MLIP: variants seen among roughly 807,000 people sequenced by gnomAD.
MLIP encodes the protein muscular LMNA interacting protein, also known as muscular LMNA-interacting protein.
Under a neutral mutation model 84.8 loss-of-function variants are expected in MLIP, and 79 were observed. The observed-to-expected ratio is 0.93, with a 90% CI of 0.78 to 1.12. The LOEUF is 1.12. MLIP is among the 50% of genes most tolerant of loss of function. The pLI, the probability that MLIP is intolerant of heterozygous loss-of-function variation, is 0.00. For synonymous variants in MLIP, 504 were observed against 463.0 expected (o/e 1.09, Z -1.14); for missense variants, 1,257 against 1,160.6 (o/e 1.08, Z -1.21).
intron 1 of MLIP, chr6:54,083,627 T>C (rs1195988502): frequency 5.9e-6 from 9 of 1,535,998 alleles, no homozygotes; most frequent in Non-Finnish European, 7.8e-6. Context: ...GTGAGTTCTA[T>C]GACATTATTA....
At chr6:54,157,521 C>T (rs998806233) in intron 5 of MLIP, among the ~76,000 whole-genome samples, 2 of 152,114 alleles carry the variant, frequency 1.3e-5, no homozygotes, top group Admixed American at 6.6e-5. Context: ...ATACCCACAA[C>T]CCCTGGTTGT....
At chr6:54,161,834 G>C (rs1353224311) in intron 8 of MLIP, among the ~76,000 whole-genome samples, 1 of 151,738 alleles carries the variant, frequency 6.6e-6, no homozygotes, top group Admixed American at 6.6e-5. Flanking sequence ...CTATTTTGTT[G>C]TATATGCTTT....
chr6:54,176,701 C>T (rs571819597), intron 9 of MLIP, among the ~76,000 whole-genome samples: 11 of 151,452 alleles, frequency 7.3e-5, no homozygotes, highest in East Asian at 1.9e-4. Context: ...GAAAAAAAAA[C>T]GTAAAAGTTC....
intron 11 of MLIP, chr6:54,218,079 G>A (rs1350199564): frequency 9.1e-6 from 7 of 767,098 alleles, no homozygotes; most frequent in African/African-American, 1.9e-5. Context: ...AAGTATTATT[G>A]GAACATGGCC....
intron 11 of MLIP, among the ~76,000 whole-genome samples, chr6:54,222,772 T>C (rs1562076269): frequency 6.6e-6 from 1 of 152,038 alleles, no homozygotes. Flanking sequence ...GTAGCCATAT[T>C]TTAAATTTTG....
chr6:54,115,866 T>G (rs1176569500), intron 1 of MLIP, among the ~76,000 whole-genome samples: 2 of 152,164 alleles, frequency 1.3e-5, no homozygotes, highest in South Asian at 2.1e-4. Flanking sequence ...GAGAAAACAT[T>G]TATCATTGAA....
intron 1 of MLIP, among the ~76,000 whole-genome samples, chr6:54,074,229 T>A (rs1766656698): frequency 6.6e-6 from 1 of 152,194 alleles, no homozygotes; most frequent in Admixed American, 6.5e-5. Flanking sequence ...TGTAATTGAT[T>A]TTATAGCACT....
At position 54,137,004 on chromosome 6, in the gene MLIP, G is replaced by T. The variant is rs1771859216; in HGVS notation, c.935G>T (p.Ser312Ile). 10 of 1,536,026 alleles carry T rather than the reference G, an allele frequency of 6.5e-6. No homozygotes were observed. The highest frequency in any genetic ancestry group is 8.7e-6 in the Non-Finnish European group (10 of 1,146,884). The change falls in exon 4 of 14, where the codon AGT becomes ATT. Residue 312 changes from serine (S) to isoleucine (I), a missense_variant. Coordinates refer to ENST00000502396, the MANE Select transcript of MLIP (RefSeq NM_001281747.2). ...CAACTATCAGGTTCTAATTTACCCAGTTCAACTGCAGCAGATCCAAAGCCT... is the reference window on the plus strand; with the variant it reads ...CAACTATCAGGTTCTAATTTACCCATTTCAACTGCAGCAGATCCAAAGCCT... The part of the protein sequence containing the change: ...STQLSGSNLP[S>I]STAADPKPGL...
At chr6:54,265,726 G>A (rs1049098422) in intron 13 of MLIP, among the ~76,000 whole-genome samples, 2 of 152,082 alleles carry the variant, frequency 1.3e-5, no homozygotes, top group African/African-American at 4.8e-5. Context: ...GAACTGCCAA[G>A]AGATTGGAGT....
intron 11 of MLIP, among the ~76,000 whole-genome samples, chr6:54,214,629 T>A (rs1779720715): frequency 2.0e-5 from 3 of 152,220 alleles, no homozygotes; most frequent in Admixed American, 6.5e-5. Flanking sequence ...ACCCAGTTTT[T>A]TCTCTGTCAA....
intron 11 of MLIP, among the ~76,000 whole-genome samples, chr6:54,224,166 C>T (rs890458103): frequency 7.3e-5 from 11 of 151,644 alleles, no homozygotes; most frequent in African/African-American, 1.9e-4. Flanking sequence ...CATAATAGCA[C>T]GTATTCTTTG....
intron 1 of MLIP, among the ~76,000 whole-genome samples, chr6:54,045,169 C>T (rs1437604899): frequency 1.3e-5 from 2 of 151,706 alleles, no homozygotes; most frequent in African/African-American, 2.4e-5. Flanking sequence ...GCCAACATGA[C>T]GAAACCTATC....
chr6:54,039,665 GC>G (rs1764636250), intron 1 of MLIP, among the ~76,000 whole-genome samples: 1 of 151,858 alleles, frequency 6.6e-6, no homozygotes, highest in Non-Finnish European at 1.5e-5. Context: ...AAAACTAAGA[GC>G]AGTGAAGTTT....
chr6:54,160,088 A>G (rs928975599), intron 5 of MLIP, among the ~76,000 whole-genome samples: 1 of 152,074 alleles, frequency 6.6e-6, no homozygotes, highest in Non-Finnish European at 1.5e-5. Flanking sequence ...AGAGTTCCCT[A>G]TTTAATAAAT....
intron 1 of MLIP, among the ~76,000 whole-genome samples, chr6:54,118,982 T>C (rs940435326): frequency 3.9e-5 from 6 of 152,108 alleles, no homozygotes; most frequent in Non-Finnish European, 8.8e-5. Context: ...AAAATGCCAA[T>C]GAAAACAGTG....
intron 1 of MLIP, among the ~76,000 whole-genome samples, chr6:54,027,044 CATT>C (rs916139269): frequency 2.0e-5 from 3 of 152,158 alleles, no homozygotes; most frequent in African/African-American, 7.2e-5. Context: ...TTTATTCAAA[CATT>C]AGGAATCTTG....
chr6:54,115,882 G>A (rs1287937018), intron 1 of MLIP, among the ~76,000 whole-genome samples: 1 of 152,200 alleles, frequency 6.6e-6, no homozygotes, highest in Non-Finnish European at 1.5e-5. Flanking sequence ...TTGAAATAGA[G>A]TCCTTCAGAG....
At chr6:54,210,234 A>T (rs1413903720) in intron 11 of MLIP, among the ~76,000 whole-genome samples, 1 of 152,232 alleles carries the variant, frequency 6.6e-6, no homozygotes, top group South Asian at 2.1e-4. Context: ...CTTTCATGGT[A>T]AGCTCAATGG....
At chr6:54,165,655 T>A (rs1775104075) in intron 8 of MLIP, among the ~76,000 whole-genome samples, 1 of 151,932 alleles carries the variant, frequency 6.6e-6, no homozygotes, top group Non-Finnish European at 1.5e-5. Flanking sequence ...AAGAAAGAAC[T>A]TTTTGTTTTG....
Sources: allele counts gnomAD v4.1 joint callset (sites outside exome capture counted in the v4.1 genomes callset), GRCh38; gene constraint gnomAD v4.1.1; transcripts MANE v1.5; gene names NCBI Gene and HGNC (gene_info 2026-07-23, HGNC 2026-07-21).